The following ITPR3 variants were observed in gnomAD, a reference collection of about 807,000 sequenced individuals.
ITPR3 encodes inositol 1,4,5-trisphosphate receptor type 3.
Under a neutral mutation model 293.2 loss-of-function variants are expected in ITPR3, and 173 were observed. The observed-to-expected ratio is 0.59, with a 90% confidence interval of 0.52 to 0.67. The LOEUF is 0.67. ITPR3 is among the 30% of genes least tolerant of loss of function. The pLI is 0.00. For missense variants in ITPR3, 2,796 were observed against 3,592.1 expected (o/e 0.78, Z 5.66); for synonymous variants, 1,295 against 1,444.4 (o/e 0.90, Z 2.35).
chr6:33,629,054 GCCTTTA>G (rs1294643236), intron 1 of ITPR3, among the ~76,000 whole-genome samples: 2 of 152,154 alleles, frequency 1.3e-5, no homozygotes, highest in Non-Finnish European at 2.9e-5. Flanking sequence ...GGTGGCCCTG[GCCTTTA>G]CCTATGCTCT....
chr6:33,658,812 G>A lies in ITPR3; in HGVS notation c.512G>A (p.Arg171Gln), dbSNP rs1764378390. ...TTCATCCAGCCCTTCTGGAAGCTGC[G>A]GAGCAACGGGGACAACGTGAGGGCA... ...WLFIQPFWKL[R>Q]SNGDNVVVGD... is the part of the protein sequence containing the mutation. The change falls in exon 5 of 58, where the codon CGG (arginine) becomes CAG (glutamine). Residue 171 changes from arginine to glutamine, a missense_variant. Coordinates refer to ENST00000605930, the MANE Select transcript of ITPR3 (RefSeq NM_002224.4). This position sits in a 1 kb window ranked among gnomAD's most constrained non-coding sequence, Gnocchi z 6.1. The A allele has an allele frequency of 1.2e-6, 2 of 1,614,142 alleles. No individual in the cohort carries two copies. The highest frequency in any genetic ancestry group is 1.7e-6 in the Non-Finnish European group (2 of 1,180,022).
At chr6:33,693,478 T>G (rs1765451019) in intron 55 of ITPR3, 67 bp from the exon 56 acceptor site, 2 of 1,565,112 alleles carry the variant, frequency 1.3e-6, no homozygotes, top group East Asian at 4.5e-5. Flanking sequence ...CTGGGTCCCC[T>G]CCAGCAGGTG....
chr6:33,682,659 G>C lies in ITPR3; in HGVS notation c.4597+15G>C. Reference sequence around the variant, plus strand: ...CGCCATGGTGGGTGAGTGTGCCGGGGCACTGGCCAGCCCCAAACCACTCCT... The same window carrying C: ...CGCCATGGTGGGTGAGTGTGCCGGGCCACTGGCCAGCCCCAAACCACTCCT... On this transcript the variant is annotated intron_variant, in intron 34 of 57. Coordinates refer to ENST00000605930, the MANE Select transcript of ITPR3 (RefSeq NM_002224.4). The surrounding 1 kb of genome is among the most constrained non-coding windows in gnomAD (Gnocchi z 5.4). The C allele has an allele frequency of 6.3e-7, 1 of 1,589,014 alleles. No individual in the cohort carries two copies. The highest frequency in any genetic ancestry group is 1.1e-5 in the South Asian group (1 of 87,590).
intron 33 of ITPR3, among the ~76,000 whole-genome samples, chr6:33,681,111 GC>G (rs763423138): frequency 3.9e-5 from 6 of 152,138 alleles, no homozygotes; most frequent in Non-Finnish European, 7.4e-5. Flanking sequence ...GAACCACCGC[GC>G]CCGGCCTAAG....
chr6:33,629,574 G>A (rs575629087), intron 1 of ITPR3, among the ~76,000 whole-genome samples: 2 of 151,462 alleles, frequency 1.3e-5, no homozygotes, highest in African/African-American at 2.4e-5. Flanking sequence ...TCTGCCTCCC[G>A]GGTTCGAGTG....
chr6:33,647,566 A>G (rs1181247251), intron 2 of ITPR3, among the ~76,000 whole-genome samples: 1 of 151,940 alleles, frequency 6.6e-6, no homozygotes, highest in Non-Finnish European at 1.5e-5. Context: ...CTCTGTTTCT[A>G]TGAATTTGAT....
rs1448024806 is a variant in ITPR3, at chr6:33,688,247, G to T, written c.6384G>T (p.Arg2128=). Residue 2128 remains arginine (R), a synonymous_variant, in exon 48 of 58, where the codon CGG becomes CGT. Coordinates refer to ENST00000605930, the MANE Select transcript of ITPR3 (RefSeq NM_002224.4). ...GTGCTGTGTGTGCTCAGATTGTGCG[G>T]CAGGACCGCAGCATGGAGCAGATCG... ...ENHTSQIEIV[R]QDRSMEQIVF... 6.2e-7 allele frequency: 1 copy of T among 1,614,184 alleles called. No individual in the cohort carries two copies. The highest frequency in any genetic ancestry group is 2.2e-5 in the East Asian group (1 of 44,880).
Position 33,689,409 on chromosome 6 carries a change from A to C in ITPR3, c.6866A>C (p.Asn2289Thr). ...ACACTCAACATCCTGGGTGCCCTCA[A>C]TGTGAGTGCCAGAGGGAGCCCCCAT... The part of the protein sequence containing the change: ...GPTLNILGAL[N>T]LTNKIVFVVS... Residue 2289 changes from asparagine (N) to threonine (T), a missense_variant and splice_region_variant, in exon 50 of 58, where the codon AAT becomes ACT. Around this residue, in one of 8 missense-constraint regions of ITPR3, gnomAD observed 568 missense variants for 796.1 expected, o/e 0.71. Transcript: ENST00000605930. The C allele has an allele frequency of 6.2e-7, 1 of 1,608,500 alleles. No individual in the cohort carries two copies. The highest frequency in any genetic ancestry group is 8.5e-7 in the Non-Finnish European group (1 of 1,179,842).
intron 1 of ITPR3, among the ~76,000 whole-genome samples, chr6:33,622,175 C>T (rs1171652881): frequency 1.3e-5 from 2 of 152,036 alleles, no homozygotes; most frequent in East Asian, 1.9e-4. Context: ...CAGCTCTCTC[C>T]CTGTTCTTCC....
Position 33,685,666 on chromosome 6 carries a change from C to G in ITPR3, c.5506C>G (p.Pro1836Ala). 6.3e-7 allele frequency: 1 copy of G among 1,592,602 alleles called. No individual in the cohort carries two copies. Among genetic ancestry groups the G allele is most frequent in the Non-Finnish European group, 8.6e-7 (1 of 1,167,294 alleles). Residue 1836 changes from proline (P) to alanine (A), a missense_variant, in exon 41 of 58, where the codon CCT (proline) becomes GCT (alanine). Coordinates refer to ENST00000605930, the MANE Select transcript of ITPR3 (RefSeq NM_002224.4). ...AGGCCGCGTGGCCTCCTTCTCGATA[C>G]CTGGCTCCTCATCCCGCTACTCGCT... ...TKGRVASFSI[P>A]GSSSRYSLGP... is the part of the protein sequence containing the mutation.
At position 33,695,752 on chromosome 6, in the gene ITPR3, T is replaced by C; in HGVS notation, c.7988T>C (p.Val2663Ala). 4 of 1,614,144 alleles carry C rather than the reference T, an allele frequency of 2.5e-6. No homozygotes were observed. The highest frequency in any genetic ancestry group is 3.4e-6 in the Non-Finnish European group (4 of 1,180,034). The part of the protein sequence containing the change: ...QRKRRQRLGF[V>A]DVQNCISR ...AAACGCAGGCAACGCCTAGGCTTTG[T>C]GGATGTCCAGAACTGCATTAGCCGC... The change falls in exon 58 of 58, where the codon GTG becomes GCG. Residue 2663 changes from valine to alanine, a missense_variant. Coordinates refer to ENST00000605930, the MANE Select transcript of ITPR3 (RefSeq NM_002224.4).
Position 33,687,056 on chromosome 6 carries a change from C to T in ITPR3, c.6027C>T (p.Asp2009=). 1.2e-6 allele frequency: 2 copies of T among 1,613,994 alleles called. No homozygotes were observed. The highest frequency in any genetic ancestry group is 2.2e-5 in the East Asian group (1 of 44,878). ...TGGCTCTGATGGAGAGCCGGCATGACAGTGAAAATGCTGAGCGAATCCTCA... is the reference window on the plus strand; with the variant it reads ...TGGCTCTGATGGAGAGCCGGCATGATAGTGAAAATGCTGAGCGAATCCTCA... ...LLLALMESRH[D]SENAERILIS... Residue 2009 remains aspartate (D), a synonymous_variant, in exon 44 of 58, where the codon GAC becomes GAT. Coordinates refer to ENST00000605930, the MANE Select transcript of ITPR3 (RefSeq NM_002224.4). The surrounding 1 kb of genome is among the most constrained non-coding windows in gnomAD (Gnocchi z 5.3).
In ITPR3 at chr6:33,672,238, C is replaced by T. The variant is rs761831345; in HGVS notation, c.2928+10C>T. ...CCTGGAAATCCTTCAGGTGCCTGGG[C>T]CAGGACCGTGTGGGAGGTGTTGGGT... On this transcript the variant is annotated intron_variant, in intron 22 of 57. Coordinates refer to ENST00000605930, the MANE Select transcript of ITPR3 (RefSeq NM_002224.4). This position sits in a 1 kb window ranked among gnomAD's most constrained non-coding sequence, Gnocchi z 5.0. The T allele has an allele frequency of 3.1e-6, 5 of 1,612,912 alleles. 1 individual carries two copies. The Middle Eastern group carries it at 5.0e-4, about 160-fold the overall frequency.
At position 33,647,213 on chromosome 6, in the gene ITPR3, G is replaced by T. The variant is rs540621739; in HGVS notation, c.160+6659G>T. Among the ~76,000 whole-genome samples, 8 of 152,164 alleles carry T rather than the reference G, an allele frequency of 5.3e-5. No homozygotes were observed. The East Asian group carries it at 1.5e-3, about 29-fold the overall frequency. On this transcript the variant is annotated intron_variant, in intron 2 of 57. Transcript: ENST00000605930. ...TTTATTTATTTTTTGTAGAGACAGG[G>T]TTTCACTGTGTTGCCTAGGCTGGAA... is the stretch of plus-strand genomic sequence containing the variant.
chr6:33,669,986 C>T (rs991294836), intron 18 of ITPR3, among the ~76,000 whole-genome samples: 2 of 152,114 alleles, frequency 1.3e-5, no homozygotes, highest in Non-Finnish European at 2.9e-5. Context: ...CCACCTCCCC[C>T]TCCTCCCTCT....
rs1306644031 is a variant in ITPR3, at chr6:33,670,427, G to A, written c.2292G>A (p.Met764Ile). 6.2e-6 allele frequency: 10 copies of A among 1,614,130 alleles called. No homozygotes were observed. The highest frequency in any genetic ancestry group is 7.6e-6 in the Non-Finnish European group (9 of 1,180,046). The change falls in exon 19 of 58, where the codon ATG becomes ATA. Residue 764 changes from methionine (M) to isoleucine (I), a missense_variant. Around this residue, in one of 8 missense-constraint regions of ITPR3, gnomAD observed 955 missense variants for 1,180.8 expected, o/e 0.81. Transcript: ENST00000605930. The surrounding 1 kb of genome is among the most constrained non-coding windows in gnomAD (Gnocchi z 6.7). Reference protein sequence around the residue: ...QLGVDLIFLCMADEMLPFDLR... With the variant: ...QLGVDLIFLCIADEMLPFDLR... The stretch of plus-strand genomic sequence containing the variant: ...GCGTGGACCTGATTTTCCTGTGCAT[G>A]GCAGACGAGATGCTGCCCTTTGACC...
At chr6:33,642,336 G>A (rs931094294) in intron 2 of ITPR3, among the ~76,000 whole-genome samples, 1 of 152,178 alleles carries the variant, frequency 6.6e-6, no homozygotes, top group African/African-American at 2.4e-5. Flanking sequence ...GGGCGTTGAG[G>A]CTGCAGATGG....
In ITPR3 at chr6:33,659,482, G is replaced by T; in HGVS notation, c.644G>T (p.Cys215Phe). ...CTTCCGCAGGTCAATTCTGTGAACT[G>T]CAACACCAGCTGGAAGATCAACCTG... ...AGCKEVNSVN[C>F]NTSWKINLFM... The change falls in exon 7 of 58, where the codon TGC (cysteine) becomes TTC (phenylalanine). Residue 215 changes from cysteine to phenylalanine, a missense_variant. Coordinates refer to ENST00000605930, the MANE Select transcript of ITPR3 (RefSeq NM_002224.4). 1 of 1,614,114 alleles carries T rather than the reference G, an allele frequency of 6.2e-7. No homozygotes were observed. Among genetic ancestry groups the T allele is most frequent in the Non-Finnish European group, 8.5e-7 (1 of 1,179,978 alleles).
rs775554933 is a variant in ITPR3 at position 33,695,025 on chromosome 6, C to T, written c.7887C>T (p.Leu2629=). The change falls in exon 57 of 58, where the codon CTC becomes CTT. Residue 2629 remains leucine, a synonymous_variant. Transcript: ENST00000605930. ...AGATTCGGATTCTCCAGGACAAGCT[C>T]AACTCCACCATGAAGCTGGTGTCCC... is the stretch of plus-strand genomic sequence containing the variant. ...QNEIRILQDK[L]NSTMKLVSHL... is the part of the protein sequence containing the mutation. The T allele has an allele frequency of 6.8e-6, 11 of 1,613,982 alleles. No individual in the cohort carries two copies. The South Asian group carries it at 8.8e-5, about 13-fold the overall frequency.
Sources: allele counts gnomAD v4.1 joint callset (sites outside exome capture counted in the v4.1 genomes callset), GRCh38; gene constraint gnomAD v4.1.1; regional missense constraint gnomAD v4.1.1; non-coding constraint Gnocchi (gnomAD v3.1); transcripts MANE v1.5; gene names NCBI Gene and HGNC (gene_info 2026-07-23, HGNC 2026-07-21).